PHF24: variants seen among roughly 807,000 people sequenced by gnomAD.
PHF24 encodes the protein PHD finger protein 24.
In PHF24, 25 loss-of-function variants were observed where a neutral mutation model predicts 42.6. That is an observed-to-expected ratio of 0.59 (90% CI 0.43 to 0.82). The LOEUF (loss-of-function observed/expected upper bound fraction) is 0.82. Among genes scored for constraint, PHF24 ranks in the 40% least tolerant of loss-of-function variants. The probability of loss-of-function intolerance (pLI) is 0.00; values close to 1 mark genes in which losing one functional copy is unlikely to be tolerated. For missense variants in PHF24, 470 were observed against 538.1 expected, an observed-to-expected ratio of 0.87 and a Z score of 1.25; for synonymous variants, 185 against 204.8, an observed-to-expected ratio of 0.90 and a Z score of 0.83.
the PHF24 span, among the ~76,000 whole-genome samples, chr9:34,676,707 T>C: frequency 1.3e-5 from 2 of 152,164 alleles, no homozygotes; most frequent in Non-Finnish European, 2.9e-5. Flanking sequence ...CTGCAAGCAA[T>C]ACAGGAAGCA....
chr9:34,761,803 G>A, the PHF24 span, among the ~76,000 whole-genome samples: 3 of 151,904 alleles, frequency 2.0e-5, no homozygotes, highest in East Asian at 3.9e-4. Context: ...CCATTAACTC[G>A]TCATTTAGCA....
At chr9:34,840,734 A>AATGTC in the PHF24 span, among the ~76,000 whole-genome samples, 1 of 151,940 alleles carries the variant, frequency 6.6e-6, no homozygotes, top group Non-Finnish European at 1.5e-5. Context: ...TGAGCATATC[A>AATGTC]TTTTCTTTAA....
At chr9:34,668,762 T>A in the PHF24 span, among the ~76,000 whole-genome samples, 1 of 152,338 alleles carries the variant, frequency 6.6e-6, no homozygotes, top group Admixed American at 6.5e-5. Context: ...CTTAAAACAG[T>A]TGTGCTGAAT....
intron 3 of PHF24, 49 bp downstream of exon 3, chr9:34,972,580 G>A (rs755898402): frequency 1.3e-5 from 20 of 1,524,028 alleles, no homozygotes; most frequent in Non-Finnish European, 1.8e-5. Context: ...TTTTCCTGGA[G>A]GCCCGGTCTT....
chr9:34,833,045 C>G, the PHF24 span: 4 of 1,550,856 alleles, frequency 2.6e-6, no homozygotes, highest in Admixed American at 7.9e-5. Flanking sequence ...TGGAAGCATC[C>G]CTGCTGGCCT....
chr9:34,764,604 T>C, the PHF24 span, among the ~76,000 whole-genome samples: 1 of 152,178 alleles, frequency 6.6e-6, no homozygotes, highest in Non-Finnish European at 1.5e-5. Context: ...TCTTTATTAG[T>C]CTTGCTAGCG....
chr9:34,746,708 A>G, the PHF24 span, among the ~76,000 whole-genome samples: 1 of 152,232 alleles, frequency 6.6e-6, no homozygotes, highest in Non-Finnish European at 1.5e-5. Flanking sequence ...TGCTCAATAA[A>G]GCCAAAATTT....
chr9:34,864,003 C>T, the PHF24 span, among the ~76,000 whole-genome samples: 1 of 152,136 alleles, frequency 6.6e-6, no homozygotes. Flanking sequence ...ATACAGCTGA[C>T]ATACTGAAGA....
At chr9:34,789,429 T>G in the PHF24 span, among the ~76,000 whole-genome samples, 2 of 152,248 alleles carry the variant, frequency 1.3e-5, no homozygotes, top group African/African-American at 4.8e-5. Context: ...AACACCATCA[T>G]GTAAACACTG....
At chr9:34,864,219 G>A in the PHF24 span, among the ~76,000 whole-genome samples, 3 of 152,150 alleles carry the variant, frequency 2.0e-5, no homozygotes, top group Non-Finnish European at 4.4e-5. Context: ...AAGAGATAGG[G>A]GTGGAAGGTT....
chr9:34,876,136 A>G, the PHF24 span, among the ~76,000 whole-genome samples: 15 of 152,106 alleles, frequency 9.9e-5, no homozygotes, highest in Non-Finnish European at 2.1e-4. Context: ...ATGACCTAGC[A>G]ATTAAAGCTC....
the PHF24 span, among the ~76,000 whole-genome samples, chr9:34,877,962 G>A: frequency 6.6e-6 from 1 of 152,036 alleles, no homozygotes; most frequent in African/African-American, 2.4e-5. Context: ...TATTCAGTAT[G>A]ATACTGTAAT....
chr9:34,932,207 G>A, the PHF24 span, among the ~76,000 whole-genome samples: 13 of 152,288 alleles, frequency 8.5e-5, no homozygotes, highest in African/African-American at 3.1e-4. Context: ...CCTGGGCTAA[G>A]GGAGTTCAGA....
At chr9:34,777,316 C>T in the PHF24 span, among the ~76,000 whole-genome samples, 1 of 151,972 alleles carries the variant, frequency 6.6e-6, no homozygotes, top group Non-Finnish European at 1.5e-5. Context: ...CTCTCTGGGC[C>T]CTGGTTGGTG....
chr9:34,773,114 C>A, the PHF24 span, among the ~76,000 whole-genome samples: 1 of 152,068 alleles, frequency 6.6e-6, no homozygotes, highest in East Asian at 1.9e-4. Flanking sequence ...CCTCAGCCTC[C>A]CAAATAGCTG....
chr9:34,915,716 T>C, the PHF24 span, among the ~76,000 whole-genome samples: 1 of 152,172 alleles, frequency 6.6e-6, no homozygotes, highest in Non-Finnish European at 1.5e-5. Context: ...GGTGGAAAGA[T>C]TCTTTGACAA....
the PHF24 span, among the ~76,000 whole-genome samples, chr9:34,739,523 C>T: frequency 1.4e-3 from 215 of 152,234 alleles, 2 homozygotes; most frequent in African/African-American, 4.9e-3. Context: ...AGAATGAAGC[C>T]GTGGAGGCTC....
the PHF24 span, chr9:34,917,470 G>T: frequency 5.2e-6 from 4 of 770,110 alleles, no homozygotes; most frequent in African/African-American, 6.8e-5. Context: ...AGCTGGTATT[G>T]TGTGAAGTTT....
chr9:34,691,684 G>C, the PHF24 span, among the ~76,000 whole-genome samples: 1 of 152,148 alleles, frequency 6.6e-6, no homozygotes, highest in East Asian at 1.9e-4. Context: ...GGTGAAGAAG[G>C]CTCCCTGGCA....
Sources: gnomAD v4.1 joint callset for allele counts (sites outside exome capture counted in the v4.1 genomes callset) on GRCh38, gnomAD v4.1.1 for gene constraint, MANE v1.5 for transcripts, NCBI Gene and HGNC (gene_info 2026-07-23, HGNC 2026-07-21) for gene names.